PLA2G4C: variants seen among roughly 807,000 people sequenced by gnomAD.
PLA2G4C encodes cytosolic phospholipase A2 gamma.
A neutral mutation model predicts 73.8 loss-of-function variants in PLA2G4C; 64 were observed. That is an observed-to-expected ratio of 0.87 (90% confidence interval 0.71 to 1.07). The LOEUF (loss-of-function observed/expected upper bound fraction) is 1.07, where lower values mean the gene tolerates loss of function less well. Ranked by LOEUF, PLA2G4C falls within the 50% of genes least tolerant of loss-of-function variation. The probability of loss-of-function intolerance (pLI) is 0.00; values close to 1 mark genes in which losing one functional copy is unlikely to be tolerated. For synonymous variants in PLA2G4C, 254 were observed against 252.1 expected (o/e 1.01, Z -0.07); for missense variants, 622 against 665.4 (o/e 0.93, Z 0.72).
At chr19:48,067,731 C>A in intron 13 of PLA2G4C, 60 bp downstream of exon 13, 1 of 1,137,220 alleles carries the variant, frequency 8.8e-7, no homozygotes, top group South Asian at 1.2e-5. Context: ...CCCCCTTCCC[C>A]TACTCCAGCC....
intron 11 of PLA2G4C, among the ~76,000 whole-genome samples, chr19:48,076,571 C>T (rs1027407356): frequency 4.6e-5 from 7 of 151,916 alleles, no homozygotes; most frequent in Admixed American, 3.3e-4. Context: ...AGTGAAAACT[C>T]GTCTCTACTA....
intron 16 of PLA2G4C, among the ~76,000 whole-genome samples, chr19:48,052,630 A>G (rs142588266): frequency 3.9e-5 from 6 of 152,262 alleles, no homozygotes; most frequent in Admixed American, 2.0e-4. Context: ...ACCAATATAC[A>G]CGGAGACAAG....
At chr19:48,087,916 A>G (rs1208054321) in intron 9 of PLA2G4C, among the ~76,000 whole-genome samples, 3 of 149,910 alleles carry the variant, frequency 2.0e-5, no homozygotes, top group Non-Finnish European at 4.4e-5. Flanking sequence ...AGCCTGGGCA[A>G]CAAGAGCCAA....
At chr19:48,058,329 G>T (rs1010217687) in intron 14 of PLA2G4C, among the ~76,000 whole-genome samples, 1 of 151,834 alleles carries the variant, frequency 6.6e-6, no homozygotes, top group South Asian at 2.1e-4. Context: ...GTGGAGATGG[G>T]GTCTTGCTAT....
chr19:48,099,933 A>G (rs143321123), intron 4 of PLA2G4C, 73 bp from the exon 5 acceptor site: 123 of 1,045,146 alleles, frequency 1.2e-4, no homozygotes, highest in Middle Eastern at 3.0e-4. Context: ...AGATGTGTGC[A>G]AGGAGGTCCT....
At chr19:48,073,680 G>T (rs2122544653) in intron 12 of PLA2G4C, among the ~76,000 whole-genome samples, 1 of 152,220 alleles carries the variant, frequency 6.6e-6, no homozygotes, top group South Asian at 2.1e-4. Context: ...TGCTGTACAG[G>T]AAGCGTGGTG....
chr19:48,057,109 T>C (rs1306744573), intron 14 of PLA2G4C, among the ~76,000 whole-genome samples: 1 of 152,112 alleles, frequency 6.6e-6, no homozygotes, highest in African/African-American at 2.4e-5. Flanking sequence ...GGAACAAACC[T>C]GTACTTGAAC....
At chr19:48,065,995 G>A (rs1968403508) in intron 13 of PLA2G4C, among the ~76,000 whole-genome samples, 1 of 151,788 alleles carries the variant, frequency 6.6e-6, no homozygotes, top group Admixed American at 6.6e-5. Context: ...CGGGAGGCAG[G>A]AGAATCGCTT....
At chr19:48,094,122 T>A (rs1303013168) in intron 7 of PLA2G4C, among the ~76,000 whole-genome samples, 1 of 152,180 alleles carries the variant, frequency 6.6e-6, no homozygotes, top group East Asian at 1.9e-4. Context: ...CTGTCCATGA[T>A]GCTTTTCCTC....
rs67118643 is a variant in PLA2G4C at position 48,110,531 on chromosome 19, T to TGATCCGGAATCCGGTGCGGAGGCTTGG, written c.-78_-77insCCAAGCCTCCGCACCGGATTCCGGATC. On this transcript the variant is annotated 5_prime_UTR_variant, in exon 1 of 17. Transcript: ENST00000599921. The stretch of plus-strand genomic sequence containing the variant: ...GTGTGCGCATGCGCGGTGGAGCTTG[T>TGATCCGGAATCCGGTGCGGAGGCTTGG]GCTCCGGAATCCGGTGCGGAGGCTT... 1.4e-6 allele frequency: 2 copies of TGATCCGGAATCCGGTGCGGAGGCTTGG among 1,387,012 alleles called. No individual in the cohort carries two copies. The highest frequency in any genetic ancestry group is 1.8e-5 in the African/African-American group (1 of 55,742). The allele number at this position is 1,387,012 out of a possible 1,614,324, so 85.9% of individuals were successfully genotyped here.
At chr19:48,097,886 T>C (rs963984192) in intron 6 of PLA2G4C, 11 of 375,180 alleles carry the variant, frequency 2.9e-5, no homozygotes, top group Non-Finnish European at 4.3e-5. Context: ...CCCAAACCAC[T>C]GGGATTACAA....
intron 16 of PLA2G4C, among the ~76,000 whole-genome samples, chr19:48,052,520 C>T (rs1210574560): frequency 6.6e-6 from 1 of 152,084 alleles, no homozygotes; most frequent in Non-Finnish European, 1.5e-5. Context: ...GCCTCCCACC[C>T]ATGCTTCCTG....
intron 2 of PLA2G4C, among the ~76,000 whole-genome samples, chr19:48,105,953 T>C (rs1367938604): frequency 2.5e-5 from 1 of 40,588 alleles, no homozygotes; most frequent in Admixed American, 3.0e-4. Context: ...CTCCCTTCTT[T>C]CTTTCTTTCT....
chr19:48,100,919 GAAAAAA>G (rs57288809), intron 4 of PLA2G4C, among the ~76,000 whole-genome samples: 52 of 120,292 alleles, frequency 4.3e-4, no homozygotes, highest in African/African-American at 1.5e-3. Flanking sequence ...ATCTCAAAAA[GAAAAAA>G]AAAAAGAAAA....
intron 10 of PLA2G4C, among the ~76,000 whole-genome samples, chr19:48,080,772 C>T (rs113421404): frequency 3.3e-5 from 5 of 149,914 alleles, no homozygotes; most frequent in African/African-American, 1.2e-4. Context: ...CCACTGCATT[C>T]CAGCCTGGGC....
At position 48,095,603 on chromosome 19, in the gene PLA2G4C, C is replaced by T; in HGVS notation, c.570G>A (p.Glu190=). The change falls in exon 7 of 17, where the codon GAG becomes GAA. Residue 190 remains glutamate, a splice_region_variant and synonymous_variant. Coordinates refer to ENST00000599921, the MANE Select transcript of PLA2G4C (RefSeq NM_003706.3). ...QPSWQEARAP[E]TWFEFTPHHA... ...GGTGAGGGGTGAACTCGAACCAGGT[C>T]TCTGCAGAGGAAATACAACGGCAAG... The T allele has an allele frequency of 6.2e-7, 1 of 1,614,030 alleles. No individual in the cohort carries two copies. The highest frequency in any genetic ancestry group is 8.5e-7 in the Non-Finnish European group (1 of 1,180,000).
intron 16 of PLA2G4C, chr19:48,052,028 T>C (rs1967747762): frequency 6.6e-6 from 1 of 151,990 alleles, no homozygotes; most frequent in African/African-American, 2.4e-5. Flanking sequence ...TATAGGCTTG[T>C]GCTACCACAC....
intron 4 of PLA2G4C, 70 bp from the exon 5 acceptor site, chr19:48,099,930 T>C: frequency 1.9e-6 from 2 of 1,068,666 alleles, no homozygotes; most frequent in Non-Finnish European, 2.8e-6. Flanking sequence ...GAAAGATGTG[T>C]GCAAGGAGGT....
rs528921524 is a variant in PLA2G4C at position 48,068,026 on chromosome 19, C to A, written c.1007-140G>T. 7.3e-6 allele frequency: 5 copies of A among 686,700 alleles called. No individual in the cohort carries two copies. The East Asian group carries it at 1.3e-4, about 18-fold the overall frequency. 42.5% of individuals were successfully genotyped at this position (686,700 alleles called of 1,614,324 possible). ...GACTTTTAAAGAGGTCATTCAGGGC[C>A]GGCGCGTTGGCTCACGCCAGTCATC... is the stretch of plus-strand genomic sequence containing the variant. On this transcript the variant is annotated intron_variant, in intron 12 of 16. Coordinates refer to ENST00000599921, the MANE Select transcript of PLA2G4C (RefSeq NM_003706.3).
Sources: gnomAD v4.1 joint callset for allele counts (sites outside exome capture counted in the v4.1 genomes callset) on GRCh38, gnomAD v4.1.1 for gene constraint, MANE v1.5 for transcripts, NCBI Gene and HGNC (gene_info 2026-07-23, HGNC 2026-07-21) for gene names.